Variants in CHSY3 observed in about 807,000 individuals in gnomAD.
The protein encoded by CHSY3 is N-acetylgalactosaminyl-proteoglycan 3-beta-glucuronosyltransferase 3.
CHSY3 carries 35 observed loss-of-function variants against 67.2 expected under a neutral mutation model. That is an observed-to-expected ratio of 0.52 (90% CI 0.40 to 0.69). CHSY3 has a LOEUF of 0.69. CHSY3 is among the 30% of genes least tolerant of loss of function. The pLI is 0.00. For missense variants in CHSY3, 1,069 were observed against 1,138.5 expected (o/e 0.94, Z 0.88); for synonymous variants, 474 against 434.7 (o/e 1.09, Z -1.12).
chr5:130,052,182 C>T (rs1266870120), intron 2 of CHSY3: 1 of 152,150 alleles, frequency 6.6e-6, no homozygotes, highest in Non-Finnish European at 1.5e-5. Flanking sequence ...GTACTGGACT[C>T]CCTGTCACCT....
intron 2 of CHSY3, among the ~76,000 whole-genome samples, chr5:130,047,449 A>G (rs1765187810): frequency 6.6e-6 from 1 of 152,062 alleles, no homozygotes. Context: ...CAAGTTAAAT[A>G]CTACATTGTA....
chr5:129,949,019 ACT>A (rs1761946694), intron 2 of CHSY3, among the ~76,000 whole-genome samples: 1 of 152,062 alleles, frequency 6.6e-6, no homozygotes. Context: ...TTGTCTGTTA[ACT>A]CTGCTGATTA....
intron 2 of CHSY3, among the ~76,000 whole-genome samples, chr5:130,013,752 C>T (rs910165082): frequency 3.3e-5 from 5 of 152,176 alleles, no homozygotes; most frequent in Admixed American, 2.0e-4. Flanking sequence ...GGGAGGGTTG[C>T]GATTAAGTCT....
At chr5:130,166,169 G>A (rs958397335) in intron 2 of CHSY3, among the ~76,000 whole-genome samples, 1 of 151,884 alleles carries the variant, frequency 6.6e-6, no homozygotes, top group Non-Finnish European at 1.5e-5. Flanking sequence ...TTTTGCCTTA[G>A]CATCTTATAT....
chr5:130,184,604 A>T lies in CHSY3; in HGVS notation c.1462A>T (p.Ser488Cys), dbSNP rs755269066. 1 of 1,611,574 alleles carries T rather than the reference A, an allele frequency of 6.2e-7. No individual in the cohort carries two copies. The highest frequency in any genetic ancestry group is 8.5e-7 in the Non-Finnish European group (1 of 1,177,626). The change falls in exon 3 of 3, where the codon AGT becomes TGT. Residue 488 changes from serine to cysteine, a missense_variant. Ser to Cys is a moderately radical substitution (Grantham distance 112). This residue lies in a region of CHSY3 where 401 missense variants were observed against 395.2 expected (regional missense o/e 1.01). Transcript: ENST00000305031. ...GAACCAGCCCCCTCGACAGAGCCTC[A>T]GTAGCATTTTAAGAACAGCACTGGA... is the stretch of plus-strand genomic sequence containing the variant. The part of the protein sequence containing the change: ...AENQPPRQSL[S>C]SILRTALDDT...
At chr5:130,100,248 C>T (rs1338733040) in intron 2 of CHSY3, among the ~76,000 whole-genome samples, 1 of 152,110 alleles carries the variant, frequency 6.6e-6, no homozygotes. Context: ...GTCGCGCGAT[C>T]TCCGCTCACT....
chr5:129,943,852 C>T (rs1176742663), intron 2 of CHSY3, among the ~76,000 whole-genome samples: 1 of 151,998 alleles, frequency 6.6e-6, no homozygotes, highest in Non-Finnish European at 1.5e-5. Flanking sequence ...TTAAATATTG[C>T]CATAAAATTT....
rs79221610 is a variant in CHSY3 at position 130,025,374 on chromosome 5, G to C, written c.1086+117014G>C. Among the ~76,000 whole-genome samples, 1,470 of 152,230 alleles carry C rather than the reference G, an allele frequency of 9.7e-3. 25 individuals carry two copies. The highest frequency in any genetic ancestry group is 0.034 in the African/African-American group (1,402 of 41,548). ...TGCTGGGAACCAGCTAAGAAAGAAG[G>C]CCTGTGTAGTCAGAGAAGGAAGTAA... On this transcript the variant is annotated intron_variant, in intron 2 of 2. Coordinates refer to ENST00000305031, the MANE Select transcript of CHSY3 (RefSeq NM_175856.5).
At chr5:130,125,416 C>CAGAT (rs202095756) in intron 2 of CHSY3, among the ~76,000 whole-genome samples, 31,687 of 140,714 alleles carry the variant, frequency 0.23, 3,707 homozygotes, top group African/African-American at 0.28. Context: ...GATCCTGTCT[C>CAGAT]AGATAGATAG....
In CHSY3 at chr5:129,943,784, G is replaced by C. The variant is rs947010959; in HGVS notation, c.1086+35424G>C. ...ATCCACATATAGATAGTATTAAAGA[G>C]ACAGCTTATACACATAGATTATAAT... On this transcript the variant is annotated intron_variant, in intron 2 of 2. Transcript: ENST00000305031. Among the ~76,000 whole-genome samples the C allele has an allele frequency of 5.3e-5, 8 of 152,190 alleles. No homozygotes were observed. In the South Asian group the frequency reaches 6.2e-4, roughly 12 times the overall value.
chr5:130,059,429 T>TC, intron 2 of CHSY3, among the ~76,000 whole-genome samples: 1 of 150,272 alleles, frequency 6.7e-6, no homozygotes, highest in East Asian at 2.0e-4. Flanking sequence ...CTCTCTTTCT[T>TC]CCCCCTCTCC....
chr5:130,076,363 C>T (rs1337829568), intron 2 of CHSY3, among the ~76,000 whole-genome samples: 14 of 149,442 alleles, frequency 9.4e-5, no homozygotes, highest in East Asian at 7.9e-4. Flanking sequence ...ACCACTTTTG[C>T]GGTCTTATCA....
intron 2 of CHSY3, among the ~76,000 whole-genome samples, chr5:129,912,384 A>T (rs558606029): frequency 3.9e-4 from 60 of 152,094 alleles, no homozygotes; most frequent in Middle Eastern, 3.2e-3. Flanking sequence ...CAGTCAACTC[A>T]TGAACACCCA....
intron 2 of CHSY3, among the ~76,000 whole-genome samples, chr5:130,155,369 G>A (rs1179017346): frequency 2.6e-5 from 4 of 152,232 alleles, no homozygotes; most frequent in African/African-American, 9.6e-5. Context: ...AATAGTGCTA[G>A]TGGCTTTGTT....
At chr5:129,965,663 G>A (rs1456358787) in intron 2 of CHSY3, among the ~76,000 whole-genome samples, 2 of 151,850 alleles carry the variant, frequency 1.3e-5, no homozygotes, top group Non-Finnish European at 2.9e-5. Context: ...GGAATCGTGG[G>A]GAGGTTACTA....
chr5:129,927,672 G>A (rs1478698893), intron 2 of CHSY3, among the ~76,000 whole-genome samples: 3 of 151,960 alleles, frequency 2.0e-5, no homozygotes, highest in Admixed American at 6.6e-5. Flanking sequence ...TATCAGTTTC[G>A]TGTGTAAATA....
At chr5:130,075,882 T>A (rs182131847) in intron 2 of CHSY3, among the ~76,000 whole-genome samples, 92 of 152,320 alleles carry the variant, frequency 6.0e-4, no homozygotes, top group African/African-American at 2.2e-3. Flanking sequence ...GAATTTATCA[T>A]GTTTTCAAAA....
At chr5:130,061,842 C>T (rs1485309019) in intron 2 of CHSY3, among the ~76,000 whole-genome samples, 7 of 151,500 alleles carry the variant, frequency 4.6e-5, no homozygotes, top group South Asian at 2.1e-4. Context: ...AAACTAAAAC[C>T]GCAATGAAAT....
intron 2 of CHSY3, among the ~76,000 whole-genome samples, chr5:129,929,567 A>T (rs1399435666): frequency 6.6e-6 from 1 of 152,154 alleles, no homozygotes; most frequent in African/African-American, 2.4e-5. Context: ...TGATTAGTGT[A>T]GGTTAGAATG....
Sources: allele counts gnomAD v4.1 joint callset (sites outside exome capture counted in the v4.1 genomes callset), GRCh38; gene constraint gnomAD v4.1.1; regional missense constraint gnomAD v4.1.1; transcripts MANE v1.5; gene names NCBI Gene and HGNC (gene_info 2026-07-23, HGNC 2026-07-21).